Variants in WDR12 observed in about 807,000 individuals in gnomAD.
The protein encoded by WDR12 is ribosome biogenesis protein WDR12.
In WDR12, 42 loss-of-function variants were observed where a neutral mutation model predicts 64.3. That is an observed-to-expected ratio of 0.65 (90% CI 0.51 to 0.84). The LOEUF (loss-of-function observed/expected upper bound fraction) is 0.84, where lower values mean the gene tolerates loss of function less well. Ranked by LOEUF, WDR12 falls within the 40% of genes least tolerant of loss-of-function variation. The pLI, the probability that WDR12 is intolerant of heterozygous loss-of-function variation, is 0.00. For missense variants in WDR12, 469 were observed against 494.6 expected, an observed-to-expected ratio of 0.95 and a Z score of 0.49; for synonymous variants, 158 against 173.3, an observed-to-expected ratio of 0.91 and a Z score of 0.70.
intron 2 of WDR12, among the ~76,000 whole-genome samples, chr2:202,904,936 T>A (rs1277005781): frequency 6.6e-6 from 1 of 152,208 alleles, no homozygotes; most frequent in African/African-American, 2.4e-5. Context: ...AAGGGATTAA[T>A]AACCAGAATA....
intron 2 of WDR12, among the ~76,000 whole-genome samples, chr2:202,903,172 T>A (rs1407406660): frequency 6.6e-6 from 1 of 152,304 alleles, no homozygotes; most frequent in African/African-American, 2.4e-5. Context: ...ATACATCATA[T>A]CAACAGAATG....
At chr2:202,886,682 G>A (rs1199486185) in intron 8 of WDR12, among the ~76,000 whole-genome samples, 3 of 146,820 alleles carry the variant, frequency 2.0e-5, no homozygotes, top group Admixed American at 7.0e-5. Context: ...CAGGAGAATC[G>A]CTTGAACCCA....
chr2:202,890,770 CAA>C lies in WDR12; in HGVS notation c.741+1845_741+1846del, dbSNP rs35649140. 4.4e-3 allele frequency among the ~76,000 whole-genome samples: 529 copies of C among 121,106 alleles called. 4 individuals are homozygous for C. The highest frequency in any genetic ancestry group is 0.013 in the African/African-American group (443 of 33,046). The allele number at this position is 121,106 out of a possible 152,430, so 79.5% of individuals were successfully genotyped here. A position where few individuals can be genotyped will look rare whatever the true frequency, so the allele number is the denominator to read the frequency against. The stretch of plus-strand genomic sequence containing the variant: ...TGGGTGACAGAGCGAGACTCCGTCT[CAA>C]AAAAAAAAAAAAAATTTTTTTTTTC... On this transcript the variant is annotated intron_variant, in intron 8 of 12. Coordinates refer to ENST00000261015, the MANE Select transcript of WDR12 (RefSeq NM_018256.4).
intron 2 of WDR12, 40 bp from the exon 3 acceptor site, chr2:202,901,159 T>C (rs781590629): frequency 1.3e-6 from 2 of 1,492,270 alleles, no homozygotes; most frequent in Middle Eastern, 1.7e-4. Flanking sequence ...TCTTAGTGTC[T>C]AAAGTAATAT....
chr2:202,876,265 G>C lies in WDR12; in HGVS notation c.*4595C>G, dbSNP rs1019814102. The C allele has an allele frequency of 4.6e-5, 7 of 152,228 alleles. No individual in the cohort carries two copies. The East Asian group carries it at 7.7e-4, about 17-fold the overall frequency. 9.4% of individuals were successfully genotyped at this position (152,228 alleles called of 1,614,324 possible). A position where few individuals can be genotyped will look rare whatever the true frequency, so the allele number is the denominator to read the frequency against. On this transcript the variant is annotated 3_prime_UTR_variant, in exon 13 of 13. Coordinates refer to ENST00000261015, the MANE Select transcript of WDR12 (RefSeq NM_018256.4). ...TAGCTGGGTGTGGCAGCATGCAATTGTACTCCCAGGTACGTACTCAGGAAG... is the reference window on the plus strand; with the variant it reads ...TAGCTGGGTGTGGCAGCATGCAATTCTACTCCCAGGTACGTACTCAGGAAG...
chr2:202,879,154 C>A lies in WDR12; in HGVS notation c.*1706G>T, dbSNP rs571506783. On this transcript the variant is annotated 3_prime_UTR_variant, in exon 13 of 13. Transcript: ENST00000261015. ...CAAGCAATTTGCCTGCCTCAGCCTCCGGAGTAGCTGGGACTACAGGCACAT... is the reference window on the plus strand; with the variant it reads ...CAAGCAATTTGCCTGCCTCAGCCTCAGGAGTAGCTGGGACTACAGGCACAT... 1 of 152,198 alleles carries A rather than the reference C, an allele frequency of 6.6e-6. No individual in the cohort carries two copies. The highest frequency in any genetic ancestry group is 2.1e-4 in the South Asian group (1 of 4,814). 9.4% of individuals were successfully genotyped at this position (152,198 alleles called of 1,614,324 possible). A position where few individuals can be genotyped will look rare whatever the true frequency, so the allele number is the denominator to read the frequency against.
intron 1 of WDR12, among the ~76,000 whole-genome samples, chr2:202,911,060 C>G (rs1688606132): frequency 6.6e-6 from 1 of 152,082 alleles, no homozygotes; most frequent in Non-Finnish European, 1.5e-5. Context: ...GACCTTGAGA[C>G]CACTGGTTAA....
chr2:202,908,055 G>A, intron 1 of WDR12, 96 bp from the exon 2 acceptor site: 1 of 1,119,100 alleles, frequency 8.9e-7, no homozygotes, highest in Non-Finnish European at 1.3e-6. Context: ...GTAAATAAAT[G>A]CCAGACATCC....
intron 11 of WDR12, 84 bp downstream of exon 11, chr2:202,883,524 GT>G (rs1159687610): frequency 1.4e-6 from 2 of 1,423,734 alleles, no homozygotes; most frequent in African/African-American, 2.9e-5. Flanking sequence ...TACTCTTCTG[GT>G]TTTAGATAAG....
chr2:202,896,324 G>T (rs533281003), intron 5 of WDR12, 105 bp from the exon 6 acceptor site: 388 of 1,283,174 alleles, frequency 3.0e-4, no homozygotes, highest in Non-Finnish European at 3.7e-4. Context: ...TATTGAAAAA[G>T]ATGTTAAAAA....
rs558157376 is a variant in WDR12, at chr2:202,879,202, T to C, written c.*1658A>G. On this transcript the variant is annotated 3_prime_UTR_variant, in exon 13 of 13. Coordinates refer to ENST00000261015, the MANE Select transcript of WDR12 (RefSeq NM_018256.4). ...CATGCTGCCACGCCCAGCTAATTTTTTGTATTTTATTAGAGACGAGGTTTC... is the reference window on the plus strand; with the variant it reads ...CATGCTGCCACGCCCAGCTAATTTTCTGTATTTTATTAGAGACGAGGTTTC... 3.9e-5 allele frequency: 6 copies of C among 152,110 alleles called. No individual in the cohort carries two copies. In the Middle Eastern group the frequency reaches 0.01, roughly 260 times the overall value. 9.4% of individuals were successfully genotyped at this position (152,110 alleles called of 1,614,324 possible).
Position 202,881,803 on chromosome 2 carries a change from C to T in WDR12, c.1195-866G>A, listed in dbSNP as rs141430173. On this transcript the variant is annotated intron_variant, in intron 12 of 12. Transcript: ENST00000261015. ...AGGAGTTCAAGGCTGCAGTGAGTCA[C>T]GACCGCACCACTAACATTCCAGCCT... Among the ~76,000 whole-genome samples, 454 of 151,940 alleles carry T rather than the reference C, an allele frequency of 3.0e-3. 4 individuals carry two copies. The highest frequency in any genetic ancestry group is 0.011 in the African/African-American group (438 of 41,432).
chr2:202,882,616 C>G (rs1231180373), intron 12 of WDR12, 95 bp downstream of exon 12: 3 of 1,327,162 alleles, frequency 2.3e-6, no homozygotes, highest in Admixed American at 1.8e-5. Context: ...GCGTGAGCCA[C>G]TGCACCCGGC....
intron 8 of WDR12, among the ~76,000 whole-genome samples, chr2:202,888,759 C>T (rs561128526): frequency 1.3e-3 from 203 of 152,274 alleles, no homozygotes; most frequent in African/African-American, 4.8e-3. Context: ...GTCGCCCAAA[C>T]TGGAGTGCAG....
chr2:202,894,576 T>C lies in WDR12; in HGVS notation c.655+5A>G. On this transcript the variant is annotated splice_donor_5th_base_variant and intron_variant, in intron 7 of 12. Transcript: ENST00000261015. ...AAGTCAAGGTAAAATAAATATTTAA[T>C]TTACCTGTAGACCAGATCTTTAGCA... 1 of 1,596,254 alleles carries C rather than the reference T, an allele frequency of 6.3e-7. No homozygotes were observed. Among genetic ancestry groups the C allele is most frequent in the Non-Finnish European group, 8.5e-7 (1 of 1,173,328 alleles).
chr2:202,905,819 A>G (rs967627972), intron 2 of WDR12, among the ~76,000 whole-genome samples: 2 of 152,226 alleles, frequency 1.3e-5, no homozygotes, highest in African/African-American at 4.8e-5. Flanking sequence ...CTAAAAATTA[A>G]AACATTGAAC....
intron 10 of WDR12, 107 bp from the exon 11 acceptor site, chr2:202,883,848 CTG>C: frequency 8.6e-7 from 1 of 1,156,574 alleles, no homozygotes; most frequent in Non-Finnish European, 1.2e-6. Context: ...GAGTCTTGCT[CTG>C]TCACCAGGCT....
chr2:202,877,814 G>T lies in WDR12; in HGVS notation c.*3046C>A, dbSNP rs1290348717. 6.6e-6 allele frequency: 1 copy of T among 152,262 alleles called. No homozygotes were observed. Among genetic ancestry groups the T allele is most frequent in the South Asian group, 2.1e-4 (1 of 4,836 alleles). 9.4% of individuals were successfully genotyped at this position (152,262 alleles called of 1,614,324 possible). A position where few individuals can be genotyped will look rare whatever the true frequency, so the allele number is the denominator to read the frequency against. ...GTTCCTAGCTTTTCCCCAACCACGG[G>T]AAAGCAGCACCACTCATTTATCCAA... On this transcript the variant is annotated 3_prime_UTR_variant, in exon 13 of 13. Coordinates refer to ENST00000261015, the MANE Select transcript of WDR12 (RefSeq NM_018256.4).
At chr2:202,881,997 G>A (rs1046945056) in intron 12 of WDR12, among the ~76,000 whole-genome samples, 17 of 150,554 alleles carry the variant, frequency 1.1e-4, no homozygotes, top group African/African-American at 2.9e-4. Flanking sequence ...GTGCAGTGGC[G>A]CGATCATAGT....
Sources: allele counts gnomAD v4.1 joint callset (sites outside exome capture counted in the v4.1 genomes callset), GRCh38; gene constraint gnomAD v4.1.1; transcripts MANE v1.5; gene names NCBI Gene and HGNC (gene_info 2026-07-23, HGNC 2026-07-21).